The following ANKRD36C variants were observed in gnomAD, a reference collection of about 807,000 sequenced individuals.
ANKRD36C encodes ankyrin repeat domain-containing protein 36C.
In ANKRD36C, 61 loss-of-function variants were observed where a neutral mutation model predicts 276.4. That is an observed-to-expected ratio of 0.22 (90% CI 0.18 to 0.27). The LOEUF (loss-of-function observed/expected upper bound fraction) is 0.27. ANKRD36C is among the 10% of genes least tolerant of loss of function. The pLI is 1.00. For synonymous variants in ANKRD36C, 483 were observed against 680.1 expected, an observed-to-expected ratio of 0.71 and a Z score of 4.51; for missense variants, 1,447 against 2,032.3, an observed-to-expected ratio of 0.71 and a Z score of 5.54.
At chr2:95,950,534 A>G (rs1487415767) in intron 16 of ANKRD36C, among the ~76,000 whole-genome samples, 2 of 151,990 alleles carry the variant, frequency 1.3e-5, no homozygotes, top group African/African-American at 4.9e-5. Context: ...TCATGAGCCA[A>G]TATTTCAACC....
intron 24 of ANKRD36C, among the ~76,000 whole-genome samples, chr2:95,931,481 T>C (rs1176227079): frequency 6.6e-6 from 1 of 150,390 alleles, no homozygotes; most frequent in Non-Finnish European, 1.5e-5. Context: ...CAACACTTTG[T>C]GGAGCTATTT....
At chr2:95,972,045 A>C (rs1435998735) in intron 6 of ANKRD36C, among the ~76,000 whole-genome samples, 1 of 152,190 alleles carries the variant, frequency 6.6e-6, no homozygotes, top group African/African-American at 2.4e-5. Flanking sequence ...TTTTTAAGAC[A>C]CCTAAAATTA....
intron 14 of ANKRD36C, among the ~76,000 whole-genome samples, chr2:95,953,046 G>C (rs1274927079): frequency 6.6e-6 from 1 of 152,280 alleles, no homozygotes; most frequent in African/African-American, 2.4e-5. Flanking sequence ...CAAAAACATT[G>C]TGAAATTAAA....
exon 1 of ANKRD36C, chr2:95,991,759 G>A (rs1679148845): frequency 1.9e-6 from 3 of 1,577,078 alleles, no homozygotes; most frequent in Non-Finnish European, 2.6e-6. Context: ...CTCGCCTTCG[G>A]GGATCGCCGC....
At chr2:95,892,484 C>G (rs897595272) in intron 44 of ANKRD36C, among the ~76,000 whole-genome samples, 25 of 151,610 alleles carry the variant, frequency 1.6e-4, no homozygotes, top group African/African-American at 3.4e-4. Flanking sequence ...CTATCCACTA[C>G]TTTAGCCTTC....
chr2:95,951,526 T>C, intron 14 of ANKRD36C, 118 bp from the exon 15 acceptor site: 1 of 778,866 alleles, frequency 1.3e-6, no homozygotes, highest in African/African-American at 1.8e-5. Flanking sequence ...CACTCATATG[T>C]AGATTCAAAC....
In ANKRD36C at chr2:95,882,270, C is replaced by A. The variant is rs1386879162; in HGVS notation, c.3367+32G>T. On this transcript the variant is annotated intron_variant, in intron 56 of 66. Coordinates refer to ENST00000456556, the Ensembl canonical transcript of ANKRD36C. ...GGGACATTGTCTTCTATCTTGAGTG[C>A]ACATGACATTAAATGTATATTGCTA... 1.9e-6 allele frequency: 3 copies of A among 1,547,978 alleles called. No homozygotes were observed. The East Asian group carries it at 7.3e-5, about 38-fold the overall frequency.
At chr2:95,879,214 C>T (rs565496003) in intron 58 of ANKRD36C, among the ~76,000 whole-genome samples, 27 of 152,234 alleles carry the variant, frequency 1.8e-4, no homozygotes, top group African/African-American at 6.3e-4. Flanking sequence ...GAAGGCTTCA[C>T]ATGTTGTCAG....
At chr2:95,853,781 T>C (rs747556886) in exon 64 of ANKRD36C, 2 of 1,605,806 alleles carry the variant, frequency 1.2e-6, no homozygotes, top group East Asian at 2.2e-5. Context: ...AGTGACGCGA[T>C]GAAGCATCCA....
intron 16 of ANKRD36C, among the ~76,000 whole-genome samples, chr2:95,949,690 T>C (rs1413803810): frequency 1.3e-5 from 2 of 152,298 alleles, no homozygotes; most frequent in Non-Finnish European, 2.9e-5. Flanking sequence ...AATTCTCATT[T>C]CTCTGATTTA....
rs1342803702 is a variant in ANKRD36C at position 95,927,427 on chromosome 2, TAC to T, written c.1838-20_1838-19del. On this transcript the variant is annotated intron_variant, in intron 26 of 66. Coordinates refer to ENST00000456556, the Ensembl canonical transcript of ANKRD36C. ...AGAAGACACTGAAAAGCAAAAGGGA[TAC>T]ATAATCACTCACATGTACATATGAT... 11 of 1,605,632 alleles carry T rather than the reference TAC, an allele frequency of 6.9e-6. No homozygotes were observed. The highest frequency in any genetic ancestry group is 9.3e-6 in the Non-Finnish European group (11 of 1,177,512).
chr2:95,892,942 T>G (rs1676418071), intron 44 of ANKRD36C, among the ~76,000 whole-genome samples: 1 of 151,014 alleles, frequency 6.6e-6, no homozygotes, highest in Admixed American at 6.6e-5. Context: ...TTCCAGCAGT[T>G]CCTGCAGCAG....
chr2:95,949,980 A>G (rs1330648099), intron 16 of ANKRD36C, among the ~76,000 whole-genome samples: 1 of 152,266 alleles, frequency 6.6e-6, no homozygotes, highest in African/African-American at 2.4e-5. Context: ...ATGTCACAGA[A>G]GGAAAAAAGA....
intron 59 of ANKRD36C, among the ~76,000 whole-genome samples, chr2:95,874,275 A>G (rs1247175157): frequency 6.6e-6 from 1 of 152,202 alleles, no homozygotes; most frequent in Non-Finnish European, 1.5e-5. Flanking sequence ...CTGACTTCAA[A>G]CTATACTACA....
At chr2:95,956,865 T>G (rs566905655) in intron 12 of ANKRD36C, 49 bp from the exon 13 acceptor site, 1 of 1,453,238 alleles carries the variant, frequency 6.9e-7, no homozygotes, top group South Asian at 1.2e-5. Flanking sequence ...TAGGAACCTA[T>G]AAAATATTAA....
At chr2:95,849,807 G>T (rs1253841600), downstream of ANKRD36C, among the ~76,000 whole-genome samples, 2 of 152,190 alleles carry the variant, frequency 1.3e-5, no homozygotes, top group Non-Finnish European at 2.9e-5. Flanking sequence ...TGGCTTTGCT[G>T]ATCTGACAGG....
chr2:95,893,020 A>G (rs561697217), intron 44 of ANKRD36C, among the ~76,000 whole-genome samples: 3,444 of 150,948 alleles, frequency 0.023, 132 homozygotes, highest in African/African-American at 0.08. Context: ...AGGTTTCCTC[A>G]GCGGAAACCC....
chr2:95,988,053 A>G (rs1425503706), intron 1 of ANKRD36C, among the ~76,000 whole-genome samples: 1 of 151,856 alleles, frequency 6.6e-6, no homozygotes, highest in Non-Finnish European at 1.5e-5. Flanking sequence ...GCATCACCCA[A>G]TCCGTGATGC....
At chr2:95,926,636 T>TA (rs1677409394) in intron 28 of ANKRD36C, among the ~76,000 whole-genome samples, 1 of 151,612 alleles carries the variant, frequency 6.6e-6, no homozygotes, top group African/African-American at 2.4e-5. Flanking sequence ...CACTGTTTCC[T>TA]AAAGCAGCCA....
Sources: allele counts gnomAD v4.1 joint callset (sites outside exome capture counted in the v4.1 genomes callset), GRCh38; gene constraint gnomAD v4.1.1; transcripts MANE v1.5; gene names NCBI Gene and HGNC (gene_info 2026-07-23, HGNC 2026-07-21).